TMEM26: variants seen among roughly 807,000 people sequenced by gnomAD.
TMEM26 encodes transmembrane protein 26.
Under a neutral mutation model 28.8 loss-of-function variants are expected in TMEM26, and 38 were observed. The ratio of observed to expected loss-of-function variants is 1.32; its 90% CI spans 1.02 to 1.73. The LOEUF (loss-of-function observed/expected upper bound fraction) is 1.73, where lower values mean the gene tolerates loss of function less well. Among genes scored for constraint, TMEM26 ranks in the 40% most tolerant of loss-of-function variants. The pLI, the probability that TMEM26 is intolerant of heterozygous loss-of-function variation, is 0.00. For synonymous variants in TMEM26, 227 were observed against 182.9 expected (o/e 1.24, Z -1.95); for missense variants, 518 against 447.1 (o/e 1.16, Z -1.43).
intron 1 of TMEM26, among the ~76,000 whole-genome samples, chr10:61,446,544 G>C (rs889918289): frequency 3.9e-4 from 59 of 152,144 alleles, no homozygotes; most frequent in Non-Finnish European, 4.4e-5. Context: ...TACTGGGCCA[G>C]GCGCGATGGC....
At chr10:61,441,018 G>A (rs1012555215) in intron 1 of TMEM26, among the ~76,000 whole-genome samples, 1 of 152,142 alleles carries the variant, frequency 6.6e-6, no homozygotes, top group Admixed American at 6.5e-5. Flanking sequence ...TATGTAGATA[G>A]TTGCTGTACA....
chr10:61,411,670 G>A (rs1175024817), intron 5 of TMEM26, among the ~76,000 whole-genome samples: 1 of 152,170 alleles, frequency 6.6e-6, no homozygotes, highest in East Asian at 1.9e-4. Context: ...TATAATTACT[G>A]ATTTTCCAGT....
intron 1 of TMEM26, among the ~76,000 whole-genome samples, chr10:61,448,627 T>TG (rs1196539968): frequency 6.6e-6 from 1 of 151,618 alleles, no homozygotes; most frequent in Non-Finnish European, 1.5e-5. Context: ...TTGTTTTTTT[T>TG]TTTTTTTGGT....
At chr10:61,428,844 G>A in intron 4 of TMEM26, 82 bp downstream of exon 4, 2 of 1,210,250 alleles carry the variant, frequency 1.7e-6, no homozygotes, top group Admixed American at 4.1e-5. Context: ...TTATTCATGT[G>A]AAATACAAGT....
At chr10:61,452,684 C>A in intron 1 of TMEM26, 1 of 570,500 alleles carries the variant, frequency 1.8e-6, no homozygotes, top group African/African-American at 1.9e-5. Flanking sequence ...ACAGATCGAG[C>A]CTTCCCAGTG....
At chr10:61,435,243 A>G (rs1839984710) in intron 2 of TMEM26, among the ~76,000 whole-genome samples, 2 of 152,138 alleles carry the variant, frequency 1.3e-5, no homozygotes, top group East Asian at 3.9e-4. Flanking sequence ...GTGCAGTGGT[A>G]CAATCTCGGC....
chr10:61,442,935 T>C (rs569329487), intron 1 of TMEM26, among the ~76,000 whole-genome samples: 1 of 152,292 alleles, frequency 6.6e-6, no homozygotes, highest in South Asian at 2.1e-4. Flanking sequence ...AACCCAATGT[T>C]TTTGTGGAAC....
intron 3 of TMEM26, among the ~76,000 whole-genome samples, chr10:61,429,833 A>G (rs186146110): frequency 6.6e-6 from 1 of 152,196 alleles, no homozygotes; most frequent in Non-Finnish European, 1.5e-5. Flanking sequence ...AACTTGCCCA[A>G]TTACATTCTA....
chr10:61,417,946 A>G (rs182305794), intron 4 of TMEM26, among the ~76,000 whole-genome samples: 6 of 152,190 alleles, frequency 3.9e-5, no homozygotes, highest in Admixed American at 2.0e-4. Context: ...CTGAAAATCA[A>G]CCAAAGTCAA....
chr10:61,452,339 T>C (rs6479764), intron 1 of TMEM26, among the ~76,000 whole-genome samples: 80,574 of 152,192 alleles, frequency 0.53, 23,503 homozygotes, highest in African/African-American at 0.78. Context: ...GGCGCTGTGC[T>C]AGAGAACGCG....
At chr10:61,428,842 G>T in intron 4 of TMEM26, 84 bp downstream of exon 4, 1 of 1,188,752 alleles carries the variant, frequency 8.4e-7, no homozygotes, top group Non-Finnish European at 1.2e-6. Flanking sequence ...TCTTATTCAT[G>T]TGAAATACAA....
chr10:61,449,405 T>C (rs993792437), intron 1 of TMEM26, among the ~76,000 whole-genome samples: 1 of 152,208 alleles, frequency 6.6e-6, no homozygotes, highest in Non-Finnish European at 1.5e-5. Flanking sequence ...ATGTTGCTTG[T>C]CCCTGGACAG....
Position 61,410,451 on chromosome 10 carries a change from A to T in TMEM26, c.978T>A (p.His326Gln). Reference protein sequence around the residue: ...RSQSEGLKGEHGCRAQTSESG... With the variant: ...RSQSEGLKGEQGCRAQTSESG... ...TCTCAGAGGTCTGTGCCCGGCAACC[A>T]TGTTCTCCTTTCAGGCCTTCTGACT... The change falls in exon 6 of 6, where the codon CAT becomes CAA. Residue 326 changes from histidine to glutamine, a missense_variant. His to Gln is a conservative substitution (Grantham distance 24). Coordinates refer to ENST00000399298, the MANE Select transcript of TMEM26 (RefSeq NM_178505.8). 3 of 1,614,078 alleles carry T rather than the reference A, an allele frequency of 1.9e-6. No homozygotes were observed. The highest frequency in any genetic ancestry group is 2.5e-6 in the Non-Finnish European group (3 of 1,180,010).
At chr10:61,433,504 GA>G in intron 2 of TMEM26, among the ~76,000 whole-genome samples, 1 of 152,204 alleles carries the variant, frequency 6.6e-6, no homozygotes, top group South Asian at 2.1e-4. Context: ...AAGATGACCA[GA>G]ATATTTCCAC....
intron 4 of TMEM26, among the ~76,000 whole-genome samples, chr10:61,422,427 T>TA (rs1201114947): frequency 6.6e-6 from 1 of 151,880 alleles, no homozygotes; most frequent in African/African-American, 2.4e-5. Context: ...TCCATAAATT[T>TA]AAAAAAACTT....
intron 1 of TMEM26, among the ~76,000 whole-genome samples, chr10:61,452,247 A>G (rs1013650577): frequency 6.6e-6 from 1 of 152,208 alleles, no homozygotes; most frequent in Admixed American, 6.5e-5. Flanking sequence ...TGGTCCCTTC[A>G]CCAGCGTTAC....
rs565431163 is a variant in TMEM26 at position 61,413,626 on chromosome 10, A to G, written c.606-91T>C. 5 of 1,402,510 alleles carry G rather than the reference A, an allele frequency of 3.6e-6. No individual in the cohort carries two copies. The Middle Eastern group carries it at 5.8e-4, about 161-fold the overall frequency. 86.9% of individuals were successfully genotyped at this position (1,402,510 alleles called of 1,614,324 possible). On this transcript the variant is annotated intron_variant, in intron 4 of 5. Coordinates refer to ENST00000399298, the MANE Select transcript of TMEM26 (RefSeq NM_178505.8). ...AGTCAAGTTTTTTAGTATATTCCTA[A>G]TAAACCTCTTGTGGCCAAAATATCT...
At chr10:61,415,221 C>G (rs1373867128) in intron 4 of TMEM26, 1 of 906,208 alleles carries the variant, frequency 1.1e-6, no homozygotes, top group African/African-American at 1.8e-5. Flanking sequence ...AAAAAGGGCT[C>G]AAAGATTTTC....
chr10:61,408,291 C>G lies in TMEM26; in HGVS notation c.*2031G>C, dbSNP rs555483595. 1.3e-5 allele frequency: 2 copies of G among 152,114 alleles called. No individual in the cohort carries two copies. The highest frequency in any genetic ancestry group is 2.9e-5 in the Non-Finnish European group (2 of 68,028). 9.4% of individuals were successfully genotyped at this position (152,114 alleles called of 1,614,324 possible). On this transcript the variant is annotated 3_prime_UTR_variant, in exon 6 of 6. Coordinates refer to ENST00000399298, the MANE Select transcript of TMEM26 (RefSeq NM_178505.8). ...GGACAGGCTTTTTATTTCTCAAGCC[C>G]ACGAGGAGTCTAATTACAAAATACT...
Sources: allele counts gnomAD v4.1 joint callset (sites outside exome capture counted in the v4.1 genomes callset), GRCh38; gene constraint gnomAD v4.1.1; transcripts MANE v1.5; gene names NCBI Gene and HGNC (gene_info 2026-07-23, HGNC 2026-07-21).